Variants in SETD5 observed in about 807,000 individuals in gnomAD.
The protein encoded by SETD5 is histone-lysine N-methyltransferase SETD5.
A neutral mutation model predicts 153.3 loss-of-function variants in SETD5; 44 were observed. The observed-to-expected ratio is 0.29, with a 90% CI of 0.23 to 0.37. The LOEUF (loss-of-function observed/expected upper bound fraction) is 0.37. Among genes scored for constraint, SETD5 ranks in the 10% least tolerant of loss-of-function variants. The pLI is 1.00. For synonymous variants in SETD5, 716 were observed against 645.2 expected (o/e 1.11, Z -1.66); for missense variants, 1,544 against 1,768.0 (o/e 0.87, Z 2.27).
Position 9,456,005 on chromosome 3 carries a change from G to A in SETD5, c.2476+2137G>A, listed in dbSNP as rs529078837. Among the ~76,000 whole-genome samples, 3 of 152,062 alleles carry A rather than the reference G, an allele frequency of 2.0e-5. No individual in the cohort carries two copies. The East Asian group carries it at 5.8e-4, about 29-fold the overall frequency. ...AGCAGTCAAATGCGCAAGTTATATT[G>A]CTACAAAATTAGCATAAATTCTGAG... On this transcript the variant is annotated intron_variant, in intron 17 of 22. Transcript: ENST00000402198.
At chr3:9,403,712 A>G (rs1209922782) in intron 1 of SETD5, among the ~76,000 whole-genome samples, 1 of 152,194 alleles carries the variant, frequency 6.6e-6, no homozygotes, top group Admixed American at 6.5e-5. Context: ...CTCGCATACA[A>G]GTGGGATAGT....
At chr3:9,446,493 C>CTT (rs368167902) in intron 13 of SETD5, among the ~76,000 whole-genome samples, 1 of 144,468 alleles carries the variant, frequency 6.9e-6, no homozygotes. Flanking sequence ...GATTTGATGA[C>CTT]TTTTTTTTTT....
At chr3:9,411,231 A>T (rs1039393459) in intron 1 of SETD5, among the ~76,000 whole-genome samples, 16 of 152,142 alleles carry the variant, frequency 1.1e-4, no homozygotes, top group African/African-American at 3.9e-4. Flanking sequence ...TGAAGTGTAG[A>T]GAGCTCATCA....
chr3:9,416,855 A>T (rs1416092481), intron 1 of SETD5, among the ~76,000 whole-genome samples: 1 of 152,154 alleles, frequency 6.6e-6, no homozygotes, highest in Non-Finnish European at 1.5e-5. Flanking sequence ...AAGATTGGCC[A>T]TGAATTGATT....
chr3:9,431,433 A>G, intron 3 of SETD5: 1 of 964,100 alleles, frequency 1.0e-6, no homozygotes, highest in Non-Finnish European at 1.2e-6. Context: ...TAATTCCATT[A>G]TTCCAAACTT....
intron 1 of SETD5, among the ~76,000 whole-genome samples, chr3:9,412,387 GTTTTTTTTTTTTT>G (rs370566998): frequency 1.9e-4 from 17 of 89,542 alleles, no homozygotes; most frequent in East Asian, 1.6e-3. Flanking sequence ...ACAGTTTTGG[GTTTTTTTTTTTTT>G]TTTTTTTTTT....
chr3:9,471,504 G>T (rs139205502), intron 19 of SETD5, among the ~76,000 whole-genome samples: 26 of 152,334 alleles, frequency 1.7e-4, no homozygotes, highest in Non-Finnish European at 3.4e-4. Flanking sequence ...TAATTAGGTG[G>T]CACTCCATTG....
chr3:9,407,980 A>C lies in SETD5; in HGVS notation c.-177+10003A>C, dbSNP rs147247116. On this transcript the variant is annotated intron_variant, in intron 1 of 22. Coordinates refer to ENST00000402198, the MANE Select transcript of SETD5 (RefSeq NM_001080517.3). Reference sequence around the variant, plus strand: ...GCGCCATTGTATTCCAGCCTGGGCAACAAGAGCAAAACTATGTCTCAAAAA... The same window carrying C: ...GCGCCATTGTATTCCAGCCTGGGCACCAAGAGCAAAACTATGTCTCAAAAA... Among the ~76,000 whole-genome samples the C allele has an allele frequency of 1.6e-3, 223 of 139,708 alleles. 4 individuals carry two copies. Among genetic ancestry groups the C allele is most frequent in the Non-Finnish European group, 1.5e-4 (10 of 65,248 alleles). The allele number at this position is 139,708 out of a possible 152,430, so 91.7% of individuals were successfully genotyped here. A position where few individuals can be genotyped will look rare whatever the true frequency, so the allele number is the denominator to read the frequency against.
intron 1 of SETD5, among the ~76,000 whole-genome samples, chr3:9,401,870 T>C (rs1013698229): frequency 1.3e-5 from 2 of 152,238 alleles, no homozygotes; most frequent in African/African-American, 4.8e-5. Flanking sequence ...ATATTTTGTT[T>C]GAGGCATCAA....
At position 9,463,383 on chromosome 3, in the gene SETD5, C is replaced by T. The variant is rs536039722; in HGVS notation, c.2477-1042C>T. Among the ~76,000 whole-genome samples the T allele has an allele frequency of 1.1e-4, 16 of 152,236 alleles. No homozygotes were observed. In the East Asian group the frequency reaches 3.1e-3, roughly 29 times the overall value. ...AATAGAATGTATGATGACCATTTTTCCCTTCATACCTAGTTCAGTAATCAG... is the reference window on the plus strand; with the variant it reads ...AATAGAATGTATGATGACCATTTTTTCCTTCATACCTAGTTCAGTAATCAG... On this transcript the variant is annotated intron_variant, in intron 17 of 22. Coordinates refer to ENST00000402198, the MANE Select transcript of SETD5 (RefSeq NM_001080517.3).
intron 17 of SETD5, among the ~76,000 whole-genome samples, chr3:9,455,491 C>A (rs377578951): frequency 1.3e-5 from 2 of 151,976 alleles, no homozygotes; most frequent in Admixed American, 1.3e-4. Flanking sequence ...CACCTATATA[C>A]CTCAGGATAA....
chr3:9,460,210 A>T (rs2125444616), intron 17 of SETD5, among the ~76,000 whole-genome samples: 1 of 152,194 alleles, frequency 6.6e-6, no homozygotes, highest in Admixed American at 6.5e-5. Context: ...AAACTTTTTA[A>T]ATGTTAATAA....
At chr3:9,415,626 G>A (rs1294738802) in intron 1 of SETD5, among the ~76,000 whole-genome samples, 1 of 152,018 alleles carries the variant, frequency 6.6e-6, no homozygotes, top group Non-Finnish European at 1.5e-5. Flanking sequence ...TGTCACCCAG[G>A]CTGGAGTGCA....
intron 2 of SETD5, among the ~76,000 whole-genome samples, chr3:9,427,423 G>A (rs1332702402): frequency 1.3e-5 from 2 of 152,138 alleles, no homozygotes; most frequent in Admixed American, 6.6e-5. Context: ...GGTGGCAGGC[G>A]CCTGTAATCC....
intron 1 of SETD5, among the ~76,000 whole-genome samples, chr3:9,403,101 T>C (rs908846906): frequency 1.3e-5 from 2 of 151,676 alleles, no homozygotes; most frequent in African/African-American, 4.8e-5. Context: ...GAGGAGGAGG[T>C]TCTTTTCCCT....
chr3:9,411,730 T>C (rs1333587788), intron 1 of SETD5, among the ~76,000 whole-genome samples: 1 of 152,258 alleles, frequency 6.6e-6, no homozygotes, highest in Non-Finnish European at 1.5e-5. Flanking sequence ...AAGTGGTTAT[T>C]GTTACGAGTA....
intron 11 of SETD5, 41 bp downstream of exon 11, chr3:9,443,458 C>T: frequency 9.0e-7 from 1 of 1,110,940 alleles, no homozygotes; most frequent in Non-Finnish European, 1.2e-6. Flanking sequence ...ATATCCATGT[C>T]TTACATATTA....
intron 11 of SETD5, among the ~76,000 whole-genome samples, chr3:9,444,618 C>T (rs532852476): frequency 6.6e-5 from 10 of 152,056 alleles, no homozygotes; most frequent in African/African-American, 1.7e-4. Flanking sequence ...ACGTCAGGCG[C>T]GGTGACTGAC....
At chr3:9,435,262 AAAAG>A (rs1189438875) in intron 6 of SETD5, among the ~76,000 whole-genome samples, 3 of 151,556 alleles carry the variant, frequency 2.0e-5, no homozygotes, top group Middle Eastern at 3.2e-3. Flanking sequence ...AAAAAAAAAA[AAAAG>A]AACCCCTCTT....
Sources: gnomAD v4.1 joint callset for allele counts (sites outside exome capture counted in the v4.1 genomes callset) on GRCh38, gnomAD v4.1.1 for gene constraint, MANE v1.5 for transcripts, NCBI Gene and HGNC (gene_info 2026-07-23, HGNC 2026-07-21) for gene names.